Variants in COL15A1 observed in about 807,000 individuals in gnomAD.
COL15A1 encodes collagen alpha-1(XV) chain.
In COL15A1, 111 loss-of-function variants were observed where a neutral mutation model predicts 165.9. The ratio of observed to expected loss-of-function variants is 0.67; its 90% CI spans 0.57 to 0.78. COL15A1 has a LOEUF of 0.78. Among genes scored for constraint, COL15A1 ranks in the 30% least tolerant of loss-of-function variants. The pLI is 0.00. For missense variants in COL15A1, 1,745 were observed against 1,789.7 expected (o/e 0.98, Z 0.45); for synonymous variants, 659 against 674.8 (o/e 0.98, Z 0.36).
intron 6 of COL15A1, among the ~76,000 whole-genome samples, chr9:98,997,417 T>C (rs1009076895): frequency 6.6e-6 from 1 of 152,252 alleles, no homozygotes; most frequent in African/African-American, 2.4e-5. Flanking sequence ...CCTTGCTCTT[T>C]GTTGAATACC....
In COL15A1 at chr9:99,004,872, G is replaced by A. The variant is rs761619253; in HGVS notation, c.1201-26G>A. 171 of 1,613,670 alleles carry A rather than the reference G, an allele frequency of 1.1e-4. 1 individual carries two copies. Among genetic ancestry groups the A allele is most frequent in the Non-Finnish European group, 1.1e-4 (129 of 1,179,762 alleles). ...TGGATCAGCATCATGGGGCACTGACGCGGTTCCTGTTGACTTTCTATTCAG... is the reference window on the plus strand; with the variant it reads ...TGGATCAGCATCATGGGGCACTGACACGGTTCCTGTTGACTTTCTATTCAG... On this transcript the variant is annotated intron_variant, in intron 8 of 41. Transcript: ENST00000375001.
Position 99,003,588 on chromosome 9 carries a change from G to A in COL15A1, c.1200+1G>A. ...GAACCCAGAGGAAGGGGTCACTCCA[G>A]TAAGTAGCTCAGAGCGCAAGCTCCC... is the stretch of plus-strand genomic sequence containing the variant. On this transcript the variant is annotated splice_donor_variant, in intron 8 of 41. Transcript: ENST00000375001. LOFTEE classifies it high-confidence loss of function. 6.7e-7 allele frequency: 1 copy of A among 1,501,142 alleles called. No individual in the cohort carries two copies. The allele number at this position is 1,501,142 out of a possible 1,614,324, so 93.0% of individuals were successfully genotyped here.
At chr9:99,014,097 G>A (rs1347847985) in intron 9 of COL15A1, among the ~76,000 whole-genome samples, 2 of 152,106 alleles carry the variant, frequency 1.3e-5, no homozygotes, top group Admixed American at 6.6e-5. Flanking sequence ...CAAATCTGAT[G>A]GGAGAAAGAT....
rs2119049818 is a variant in COL15A1 at position 99,035,113 on chromosome 9, G to C, written c.2179G>C (p.Gly727Arg). 1 of 1,606,560 alleles carries C rather than the reference G, an allele frequency of 6.2e-7. No individual in the cohort carries two copies. The highest frequency in any genetic ancestry group is 8.5e-7 in the Non-Finnish European group (1 of 1,176,994). Residue 727 changes from glycine to arginine, a missense_variant, in exon 18 of 42, where the codon GGG becomes CGG. Coordinates refer to ENST00000375001, the MANE Select transcript of COL15A1 (RefSeq NM_001855.5). Reference protein sequence around the residue: ...MGPPGPPGPPGPPGPGCTMGL... With the variant: ...MGPPGPPGPPRPPGPGCTMGL... ...ACCCCCAGGGCCTCCTGGACCCCCT[G>C]GGCCCCCAGGCCCTGGATGCACAAT... is the stretch of plus-strand genomic sequence containing the variant.
In COL15A1 at chr9:99,020,410, A is replaced by G. The variant is rs1839006558; in HGVS notation, c.1669A>G (p.Met557Val). 6.2e-7 allele frequency: 1 copy of G among 1,613,698 alleles called. No homozygotes were observed. The highest frequency in any genetic ancestry group is 2.2e-5 in the East Asian group (1 of 44,882). ...TTAGGCTCAAAGAGAACATGTGGGA[A>G]TGAAAGGACAGGCTGGGCCCAAAGG... is the stretch of plus-strand genomic sequence containing the variant. ...ITPAQREHVG[M>V]KGQAGPKGEK... Residue 557 changes from methionine to valine, a missense_variant, in exon 12 of 42, where the codon ATG (methionine) becomes GTG (valine). Transcript: ENST00000375001.
intron 2 of COL15A1, among the ~76,000 whole-genome samples, chr9:98,948,686 GACA>G (rs1315874466): frequency 6.6e-6 from 1 of 151,870 alleles, no homozygotes; most frequent in Non-Finnish European, 1.5e-5. Flanking sequence ...TGAGCTGGAG[GACA>G]ACACCAATCC....
intron 2 of COL15A1, among the ~76,000 whole-genome samples, chr9:98,946,320 C>T (rs1468410362): frequency 1.3e-5 from 2 of 152,178 alleles, no homozygotes; most frequent in African/African-American, 4.8e-5. Flanking sequence ...GACAGTCTGA[C>T]TCCAGAGTCC....
chr9:99,068,712 GT>G, intron 41 of COL15A1, 42 bp downstream of exon 41: 1 of 1,137,446 alleles, frequency 8.8e-7, no homozygotes, highest in Non-Finnish European at 1.3e-6. Context: ...GTGATAGATA[GT>G]TTTAGGGGGC....
At chr9:99,022,242 C>A in intron 13 of COL15A1, 92 bp downstream of exon 13, 2 of 1,545,380 alleles carry the variant, frequency 1.3e-6, no homozygotes, top group Non-Finnish European at 1.8e-6. Context: ...CCTTTTTGGC[C>A]CCCAAAGTAT....
chr9:99,023,317 G>T lies in COL15A1; in HGVS notation c.1762-40G>T, dbSNP rs367564292. The T allele has an allele frequency of 1.9e-5, 30 of 1,565,840 alleles. No individual in the cohort carries two copies. The African/African-American group carries it at 3.7e-4, about 19-fold the overall frequency. ...GTGACGTGGCTGTCCTTGGAGTCTG[G>T]CAGTTAAATGCAAGTAGTGGAAATT... On this transcript the variant is annotated intron_variant, in intron 13 of 41. Transcript: ENST00000375001.
intron 11 of COL15A1, among the ~76,000 whole-genome samples, chr9:99,016,899 ACTGAC>A (rs1838943798): frequency 6.6e-6 from 1 of 152,258 alleles, no homozygotes; most frequent in African/African-American, 2.4e-5. Context: ...GTGCGGCAGG[ACTGAC>A]CTGTGAGGGG....
At chr9:99,062,124 C>T (rs755539964) in intron 37 of COL15A1, 25 bp downstream of exon 37, 2 of 1,613,190 alleles carry the variant, frequency 1.2e-6, no homozygotes, top group East Asian at 4.5e-5. Context: ...TCCTTTAACA[C>T]ACTGCCTTCA....
rs568622902 is a variant in COL15A1 at position 99,024,959 on chromosome 9, C to T, written c.1940C>T (p.Ser647Phe). The T allele has an allele frequency of 6.2e-7, 1 of 1,613,984 alleles. No homozygotes were observed. The highest frequency in any genetic ancestry group is 1.3e-5 in the African/African-American group (1 of 75,040). The change falls in exon 15 of 42, where the codon TCT (serine) becomes TTT (phenylalanine). Residue 647 changes from serine (S) to phenylalanine (F), a missense_variant. Physicochemically the swap from Ser to Phe is radical, Grantham distance 155. Coordinates refer to ENST00000375001, the MANE Select transcript of COL15A1 (RefSeq NM_001855.5). The stretch of plus-strand genomic sequence containing the variant: ...GATGTTTTCATGGGACCCCCTGGAT[C>T]TCCTGGAGAGGATGGACCTGCTGGT... ...GTDVFMGPPG[S>F]PGEDGPAGEP...
chr9:99,004,316 G>C (rs1307209201), intron 8 of COL15A1, among the ~76,000 whole-genome samples: 1 of 152,168 alleles, frequency 6.6e-6, no homozygotes, highest in Non-Finnish European at 1.5e-5. Flanking sequence ...GGTGGTGCCA[G>C]CCTGCCCTGG....
intron 40 of COL15A1, among the ~76,000 whole-genome samples, chr9:99,068,324 GTA>G (rs1220198912): frequency 6.6e-6 from 1 of 152,092 alleles, no homozygotes; most frequent in Non-Finnish European, 1.5e-5. Context: ...AATTAGCCGG[GTA>G]TGGTGGTGCA....
chr9:99,026,073 C>T lies in COL15A1; in HGVS notation c.2043+107C>T, dbSNP rs541821824. On this transcript the variant is annotated intron_variant, in intron 16 of 41. Transcript: ENST00000375001. ...CCTCTTATGTGACTGACCCCCTGGC[C>T]TCCTGAAATCCCCTGCTGGCCACTT... The T allele has an allele frequency of 1.1e-5, 11 of 1,045,470 alleles. No homozygotes were observed. In the Admixed American group the frequency reaches 2.8e-4, roughly 27 times the overall value. The allele number at this position is 1,045,470 out of a possible 1,614,324, so 64.8% of individuals were successfully genotyped here.
intron 30 of COL15A1, among the ~76,000 whole-genome samples, chr9:99,051,113 C>T (rs1839580146): frequency 6.6e-6 from 1 of 152,148 alleles, no homozygotes; most frequent in Non-Finnish European, 1.5e-5. Context: ...CAGGAGAGAC[C>T]ACACAGCCCA....
intron 2 of COL15A1, among the ~76,000 whole-genome samples, chr9:98,985,309 G>C (rs1001405968): frequency 6.6e-6 from 1 of 152,220 alleles, no homozygotes; most frequent in African/African-American, 2.4e-5. Context: ...TGCCTGGTGA[G>C]TATTAAATCA....
Position 99,001,595 on chromosome 9 carries a change from C to T in COL15A1, c.1065+644C>T, listed in dbSNP as rs182607956. Among the ~76,000 whole-genome samples the T allele has an allele frequency of 2.6e-5, 4 of 152,234 alleles. No homozygotes were observed. In the East Asian group the frequency reaches 7.7e-4, roughly 29 times the overall value. On this transcript the variant is annotated intron_variant, in intron 7 of 41. Transcript: ENST00000375001. ...TTCAACAAAATTACAAACACAGTTTCCCCCCTTCTATACTCAGGCCTACTG... is the reference window on the plus strand; with the variant it reads ...TTCAACAAAATTACAAACACAGTTTTCCCCCTTCTATACTCAGGCCTACTG...
Sources: allele counts gnomAD v4.1 joint callset (sites outside exome capture counted in the v4.1 genomes callset), GRCh38; gene constraint gnomAD v4.1.1; transcripts MANE v1.5; gene names NCBI Gene and HGNC (gene_info 2026-07-23, HGNC 2026-07-21).